AKNAD1: variants seen among roughly 807,000 people sequenced by gnomAD.
The protein encoded by AKNAD1 is AKNA domain containing 1, also known as protein AKNAD1.
A neutral mutation model predicts 90.8 loss-of-function variants in AKNAD1; 67 were observed. That is an observed-to-expected ratio of 0.74 (90% CI 0.61 to 0.90). The LOEUF (loss-of-function observed/expected upper bound fraction) is 0.90, where lower values mean the gene tolerates loss of function less well. Ranked by LOEUF, AKNAD1 falls within the 40% of genes least tolerant of loss-of-function variation. The probability of loss-of-function intolerance (pLI) is 0.00; values close to 1 mark genes in which losing one functional copy is unlikely to be tolerated. For synonymous variants in AKNAD1, 327 were observed against 341.4 expected, an observed-to-expected ratio of 0.96 and a Z score of 0.46; for missense variants, 957 against 975.4, an observed-to-expected ratio of 0.98 and a Z score of 0.25.
intron 13 of AKNAD1, among the ~76,000 whole-genome samples, chr1:108,821,680 T>C (rs1278645058): frequency 1.3e-5 from 2 of 152,154 alleles, no homozygotes; most frequent in African/African-American, 2.4e-5. Context: ...TTAATGATTA[T>C]GTTACAAAGA....
At chr1:108,843,841 G>C (rs1480476530) in intron 5 of AKNAD1, among the ~76,000 whole-genome samples, 1 of 152,178 alleles carries the variant, frequency 6.6e-6, no homozygotes, top group African/African-American at 2.4e-5. Flanking sequence ...GGGTCTTCCA[G>C]ACATCACTAC....
In AKNAD1 at chr1:108,816,042, C is replaced by G; in HGVS notation, c.*129G>C. 1 of 992,278 alleles carries G rather than the reference C, an allele frequency of 1.0e-6. No homozygotes were observed. The highest frequency in any genetic ancestry group is 3.0e-5 in the Admixed American group (1 of 32,956). The allele number at this position is 992,278 out of a possible 1,614,324, so 61.5% of individuals were successfully genotyped here. A position where few individuals can be genotyped will look rare whatever the true frequency, so the allele number is the denominator to read the frequency against. On this transcript the variant is annotated 3_prime_UTR_variant, in exon 16 of 16. Transcript: ENST00000370001. ...TTTAAGTACTTTGTGTTACCCATTT[C>G]TTATGGTTTCTGTGTTTTCTCTAGA...
At chr1:108,851,498 T>A (rs1405150486) in intron 2 of AKNAD1, among the ~76,000 whole-genome samples, 174 bp downstream of exon 2, 1 of 152,226 alleles carries the variant, frequency 6.6e-6, no homozygotes, top group African/African-American at 2.4e-5. Flanking sequence ...CCTGTGATGC[T>A]TCTCGTGAGG....
chr1:108,822,535 G>A (rs141598187), intron 13 of AKNAD1, among the ~76,000 whole-genome samples: 4,862 of 152,270 alleles, frequency 0.032, 120 homozygotes, highest in Non-Finnish European at 0.05. Context: ...GCAGCTGGAG[G>A]TGGGGAGGGG....
chr1:108,853,492 C>A (rs1421426862), intron 1 of AKNAD1, among the ~76,000 whole-genome samples: 1 of 151,574 alleles, frequency 6.6e-6, no homozygotes, highest in Non-Finnish European at 1.5e-5. Context: ...GTCTTCTAAG[C>A]CATGTGGCGA....
intron 14 of AKNAD1, among the ~76,000 whole-genome samples, chr1:108,819,936 A>AT (rs1162512121): frequency 6.6e-6 from 1 of 151,610 alleles, no homozygotes; most frequent in African/African-American, 2.4e-5. Flanking sequence ...AAAAAAAAAA[A>AT]AAATACCCTA....
chr1:108,839,853 T>G (rs1261645138), intron 6 of AKNAD1, among the ~76,000 whole-genome samples: 1 of 152,066 alleles, frequency 6.6e-6, no homozygotes, highest in Non-Finnish European at 1.5e-5. Flanking sequence ...AGACCATGTC[T>G]CTACAAAAAA....
At chr1:108,820,704 C>G in intron 13 of AKNAD1, 78 bp from the exon 14 acceptor site, 2 of 731,142 alleles carry the variant, frequency 2.7e-6, no homozygotes, top group Non-Finnish European at 4.6e-6. Context: ...ATTCCTTGAA[C>G]TTTTTGTATG....
chr1:108,841,297 TAAGG>T (rs1489304004), intron 6 of AKNAD1, among the ~76,000 whole-genome samples: 1 of 151,930 alleles, frequency 6.6e-6, no homozygotes, highest in African/African-American at 2.4e-5. Flanking sequence ...GAGAGCAGAC[TAAGG>T]AAGGGAGAGG....
At chr1:108,838,344 T>G (rs966975195) in intron 6 of AKNAD1, among the ~76,000 whole-genome samples, 3 of 149,852 alleles carry the variant, frequency 2.0e-5, no homozygotes, top group African/African-American at 7.5e-5. Flanking sequence ...AAAACCCTGT[T>G]TAATTAGAAA....
intron 7 of AKNAD1, among the ~76,000 whole-genome samples, chr1:108,836,479 T>C (rs949189425): frequency 1.5e-4 from 22 of 150,676 alleles, no homozygotes; most frequent in South Asian, 4.2e-4. Context: ...GTGCGGGGGA[T>C]TGGGGGGCTT....
intron 15 of AKNAD1, 116 bp downstream of exon 15, chr1:108,816,932 G>A (rs983795764): frequency 2.4e-6 from 3 of 1,266,638 alleles, no homozygotes; most frequent in Non-Finnish European, 3.3e-6. Context: ...ATTGTCTTTA[G>A]CAGAGCATTT....
At chr1:108,847,695 C>T (rs544304877) in intron 5 of AKNAD1, among the ~76,000 whole-genome samples, 2 of 152,268 alleles carry the variant, frequency 1.3e-5, no homozygotes, top group South Asian at 4.1e-4. Flanking sequence ...CCCTTGGTCT[C>T]CTGCCAAGCT....
chr1:108,851,820 A>G lies in AKNAD1; in HGVS notation c.845T>C (p.Ile282Thr). ...KNKIINKPLA[I>T]AKQASFSSKS... ...GGAAGAAAAGCTGGCTTGTTTAGCT[A>G]TTGCAAGTGGTTTATTAATTATCTT... is the stretch of plus-strand genomic sequence containing the variant. Residue 282 changes from isoleucine to threonine, a missense_variant, in exon 2 of 16, where the codon ATA (isoleucine) becomes ACA (threonine). Transcript: ENST00000370001. 1.9e-6 allele frequency: 3 copies of G among 1,613,992 alleles called. No individual in the cohort carries two copies. The highest frequency in any genetic ancestry group is 2.5e-6 in the Non-Finnish European group (3 of 1,179,924).
intron 2 of AKNAD1, among the ~76,000 whole-genome samples, chr1:108,850,585 C>G (rs1341745626): frequency 6.6e-6 from 1 of 151,696 alleles, no homozygotes; most frequent in East Asian, 1.9e-4. Context: ...ACTCCCCAGG[C>G]ATTCAGTTGA....
chr1:108,848,687 T>G, intron 5 of AKNAD1, 65 bp downstream of exon 5: 1 of 1,392,056 alleles, frequency 7.2e-7, no homozygotes. Flanking sequence ...CACTATAAAG[T>G]TATTTATCTT....
chr1:108,839,212 G>A (rs2101194997), intron 6 of AKNAD1, among the ~76,000 whole-genome samples: 1 of 152,186 alleles, frequency 6.6e-6, no homozygotes, highest in South Asian at 2.1e-4. Flanking sequence ...GGGGCCCGGC[G>A]CGGTAGTTCA....
intron 13 of AKNAD1, among the ~76,000 whole-genome samples, chr1:108,821,177 G>C (rs531563937): frequency 6.6e-6 from 1 of 152,170 alleles, no homozygotes; most frequent in Non-Finnish European, 1.5e-5. Flanking sequence ...TAGGCCAGGC[G>C]TGGTGGCTCA....
rs1350480398 is a variant in AKNAD1, at chr1:108,817,166, T to C, written c.2261A>G (p.Gln754Arg). The C allele has an allele frequency of 1.2e-6, 2 of 1,613,996 alleles. No individual in the cohort carries two copies. Among genetic ancestry groups the C allele is most frequent in the East Asian group, 4.5e-5 (2 of 44,880 alleles). ...HEPTPGKKKLQAFMTYSSDPA... is the reference protein window; with the variant it reads ...HEPTPGKKKLRAFMTYSSDPA... ...GTCTGAGCTGTAGGTCATGAAAGCC[T>C]GAAGTTTTTTTCTGGAAGACAAAAG... The change falls in exon 15 of 16, where the codon CAG becomes CGG. Residue 754 changes from glutamine (Q) to arginine (R), a missense_variant. Physicochemically the swap from Gln to Arg is conservative, Grantham distance 43. Coordinates refer to ENST00000370001, the MANE Select transcript of AKNAD1 (RefSeq NM_152763.5).
Sources: gnomAD v4.1 joint callset for allele counts (sites outside exome capture counted in the v4.1 genomes callset) on GRCh38, gnomAD v4.1.1 for gene constraint, MANE v1.5 for transcripts, NCBI Gene and HGNC (gene_info 2026-07-23, HGNC 2026-07-21) for gene names.